The following FREM1 variants were observed in gnomAD, a reference collection of about 807,000 sequenced individuals.
FREM1 encodes FRAS1 related extracellular matrix 1.
FREM1 carries 220 observed loss-of-function variants against 210.1 expected under a neutral mutation model. That is an observed-to-expected ratio of 1.05 (90% confidence interval 0.94 to 1.17). The LOEUF (loss-of-function observed/expected upper bound fraction) is 1.17. Ranked by LOEUF, FREM1 falls within the 50% of genes most tolerant of loss-of-function variation. FREM1 has a pLI of 0.00. For missense variants in FREM1, 3,454 were observed against 2,675.5 expected, an observed-to-expected ratio of 1.29 and a Z score of -6.42; for synonymous variants, 1,189 against 980.2, an observed-to-expected ratio of 1.21 and a Z score of -3.98.
chr9:14,910,124 C>A lies in FREM1; in HGVS notation c.-478G>T, dbSNP rs1818477550. ...TTACTAAAAATCCATTAACCCACCT[C>A]ACAGAAAATACAGAATTGAAGTTCA... On this transcript the variant is annotated 5_prime_UTR_variant, in exon 1 of 37. Coordinates refer to ENST00000380880, the MANE Select transcript of FREM1 (RefSeq NM_001379081.2). 6.6e-6 allele frequency: 1 copy of A among 152,236 alleles called. No individual in the cohort carries two copies. Among genetic ancestry groups the A allele is most frequent in the African/African-American group, 2.4e-5 (1 of 41,464 alleles). The allele number at this position is 152,236 out of a possible 1,614,324, so 9.4% of individuals were successfully genotyped here.
At chr9:14,763,073 C>A (rs970420760) in intron 27 of FREM1, among the ~76,000 whole-genome samples, 22 of 152,206 alleles carry the variant, frequency 1.4e-4, no homozygotes, top group Admixed American at 6.5e-4. Context: ...ATTTTACAGT[C>A]AGAACTGTAT....
intron 1 of FREM1, among the ~76,000 whole-genome samples, chr9:14,875,141 G>C (rs189268528): frequency 6.6e-6 from 1 of 152,056 alleles, no homozygotes; most frequent in African/African-American, 2.4e-5. Context: ...TGACAATTAC[G>C]TGTCTTGGAG....
At chr9:14,757,976 C>A (rs1292387082) in intron 28 of FREM1, among the ~76,000 whole-genome samples, 4 of 152,330 alleles carry the variant, frequency 2.6e-5, no homozygotes, top group Admixed American at 6.5e-5. Context: ...ATGGTTCTTG[C>A]ATGTCCAATT....
At position 14,737,308 on chromosome 9, in the gene FREM1, C is replaced by T; in HGVS notation, c.*88G>A. 4 of 958,664 alleles carry T rather than the reference C, an allele frequency of 4.2e-6. No individual in the cohort carries two copies. Among genetic ancestry groups the T allele is most frequent in the Non-Finnish European group, 6.2e-6 (4 of 640,684 alleles). The allele number at this position is 958,664 out of a possible 1,614,324, so 59.4% of individuals were successfully genotyped here. On this transcript the variant is annotated 3_prime_UTR_variant, in exon 37 of 37. Transcript: ENST00000380880. ...CAAAGGTATACCCACTCAATCATAA[C>T]AATTTGTTTTCTATGGAGCAATATT... is the stretch of plus-strand genomic sequence containing the variant.
At chr9:14,895,604 A>G (rs10961775) in intron 1 of FREM1, among the ~76,000 whole-genome samples, 10,556 of 151,890 alleles carry the variant, frequency 0.069, 694 homozygotes, top group African/African-American at 0.17. Flanking sequence ...TACTTGGGAT[A>G]ATTTACTTAT....
At chr9:14,816,936 T>C in intron 14 of FREM1, 65 bp from the exon 15 acceptor site, 1 of 503,930 alleles carries the variant, frequency 2.0e-6, no homozygotes, top group Non-Finnish European at 3.4e-6. Flanking sequence ...AGATGCATGA[T>C]ACATGAGCTC....
At chr9:14,880,499 G>A (rs1394856232) in intron 1 of FREM1, among the ~76,000 whole-genome samples, 2 of 151,126 alleles carry the variant, frequency 1.3e-5, no homozygotes, top group Non-Finnish European at 2.9e-5. Context: ...AGCTACTCAG[G>A]AAACTGAGGC....
At chr9:14,749,463 G>C (rs1842975502) in intron 30 of FREM1, among the ~76,000 whole-genome samples, 1 of 152,108 alleles carries the variant, frequency 6.6e-6, no homozygotes, top group Non-Finnish European at 1.5e-5. Flanking sequence ...AAAAATGGGA[G>C]TGTAAGATTG....
intron 1 of FREM1, among the ~76,000 whole-genome samples, chr9:14,898,163 T>A (rs10961780): frequency 1.3e-5 from 2 of 152,088 alleles, no homozygotes; most frequent in East Asian, 1.9e-4. Flanking sequence ...CTTGGTTCCA[T>A]AATTTCTTTG....
At chr9:14,749,758 C>G (rs2132047979) in intron 30 of FREM1, among the ~76,000 whole-genome samples, 1 of 152,266 alleles carries the variant, frequency 6.6e-6, no homozygotes, top group African/African-American at 2.4e-5. Context: ...ACAGTGGGGG[C>G]TCAGATTTTA....
intron 19 of FREM1, among the ~76,000 whole-genome samples, chr9:14,802,218 G>T (rs140774944): frequency 6.6e-6 from 1 of 152,194 alleles, no homozygotes; most frequent in Non-Finnish European, 1.5e-5. Context: ...TCATGGAAAA[G>T]TTCAGTTGTA....
chr9:14,744,523 CTA>C (rs1357122899), intron 35 of FREM1, among the ~76,000 whole-genome samples: 2 of 152,002 alleles, frequency 1.3e-5, no homozygotes, highest in African/African-American at 2.4e-5. Flanking sequence ...TGCTTTCTCT[CTA>C]TGTTCCATTT....
intron 1 of FREM1, among the ~76,000 whole-genome samples, chr9:14,881,327 G>A (rs1834757866): frequency 6.6e-6 from 1 of 152,076 alleles, no homozygotes; most frequent in Admixed American, 6.6e-5. Flanking sequence ...TTTTGTAATT[G>A]ATCATAGCTC....
intron 27 of FREM1, among the ~76,000 whole-genome samples, chr9:14,761,366 C>T (rs184698833): frequency 6.6e-6 from 1 of 152,254 alleles, no homozygotes; most frequent in African/African-American, 2.4e-5. Flanking sequence ...ATAAACATAC[C>T]TGTTTATTCA....
chr9:14,891,145 AC>A (rs1164901650), intron 1 of FREM1, among the ~76,000 whole-genome samples: 1 of 152,164 alleles, frequency 6.6e-6, no homozygotes, highest in Admixed American at 6.6e-5. Context: ...TTAATTTACA[AC>A]AGAACAACAC....
At chr9:14,797,468 T>A in intron 21 of FREM1, 30 bp downstream of exon 21, 1 of 1,570,440 alleles carries the variant, frequency 6.4e-7, no homozygotes, top group South Asian at 1.2e-5. Context: ...TGTATAGAAA[T>A]CTGAAAGGGA....
chr9:14,802,440 T>G (rs1451253206), intron 19 of FREM1, among the ~76,000 whole-genome samples: 2 of 152,262 alleles, frequency 1.3e-5, no homozygotes, highest in African/African-American at 4.8e-5. Flanking sequence ...ACTGGATGCA[T>G]AATTATGTAT....
intron 1 of FREM1, among the ~76,000 whole-genome samples, chr9:14,882,809 AG>A (rs1242895299): frequency 6.6e-6 from 1 of 150,416 alleles, no homozygotes; most frequent in Non-Finnish European, 1.5e-5. Flanking sequence ...CAAAAATGGG[AG>A]GCTGAAGCAG....
intron 1 of FREM1, among the ~76,000 whole-genome samples, chr9:14,898,112 G>A (rs1838070301): frequency 6.6e-6 from 1 of 152,182 alleles, no homozygotes; most frequent in South Asian, 2.1e-4. Flanking sequence ...GAAAATCAGA[G>A]GCCAGCCTGT....
Sources: allele counts gnomAD v4.1 joint callset (sites outside exome capture counted in the v4.1 genomes callset), GRCh38; gene constraint gnomAD v4.1.1; transcripts MANE v1.5; gene names NCBI Gene and HGNC (gene_info 2026-07-23, HGNC 2026-07-21).